KLHL20: variants seen among roughly 807,000 people sequenced by gnomAD.
KLHL20 encodes kelch-like protein 20.
In KLHL20, 29 loss-of-function variants were observed where a neutral mutation model predicts 69.5. The ratio of observed to expected loss-of-function variants is 0.42; its 90% confidence interval spans 0.31 to 0.57. KLHL20 has a LOEUF of 0.57. Among genes scored for constraint, KLHL20 ranks in the 20% least tolerant of loss-of-function variants. The probability of loss-of-function intolerance (pLI) is 0.18; values close to 1 mark genes in which losing one functional copy is unlikely to be tolerated. For synonymous variants in KLHL20, 253 were observed against 265.2 expected, an observed-to-expected ratio of 0.95 and a Z score of 0.45; for missense variants, 419 against 776.0, an observed-to-expected ratio of 0.54 and a Z score of 5.47.
intron 1 of KLHL20, 108 bp from the exon 2 acceptor site, chr1:173,715,895 T>G (rs976645116): frequency 2.7e-6 from 2 of 752,728 alleles, no homozygotes; most frequent in Admixed American, 2.4e-5. Flanking sequence ...TATAATAGGA[T>G]ATGAAACTCT....
intron 8 of KLHL20, among the ~76,000 whole-genome samples, chr1:173,773,180 G>A (rs998128486): frequency 3.0e-4 from 45 of 151,636 alleles, no homozygotes; most frequent in African/African-American, 1.1e-3. Flanking sequence ...TGACGAGGCT[G>A]GTCTTGAACT....
chr1:173,734,332 A>G (rs375739491), intron 3 of KLHL20, 46 bp downstream of exon 3: 6 of 1,505,558 alleles, frequency 4.0e-6, no homozygotes, highest in Non-Finnish European at 5.5e-6. Flanking sequence ...TTGGAGAGCA[A>G]TATGGGTTCA....
intron 2 of KLHL20, among the ~76,000 whole-genome samples, chr1:173,717,822 T>C (rs1207042361): frequency 6.6e-6 from 1 of 152,200 alleles, no homozygotes; most frequent in Non-Finnish European, 1.5e-5. Context: ...AAATTATTGT[T>C]AAAGGTATTC....
intron 3 of KLHL20, among the ~76,000 whole-genome samples, chr1:173,737,063 G>A: frequency 6.6e-6 from 1 of 151,982 alleles, no homozygotes; most frequent in East Asian, 1.9e-4. Context: ...CCCACTTTTT[G>A]ATGGAATTAT....
chr1:173,730,847 A>G (rs1672236388), intron 2 of KLHL20, among the ~76,000 whole-genome samples: 1 of 152,242 alleles, frequency 6.6e-6, no homozygotes, highest in African/African-American at 2.4e-5. Context: ...CAGCAATGGC[A>G]GCAAAAGCCA....
intron 2 of KLHL20, among the ~76,000 whole-genome samples, chr1:173,730,223 C>T (rs201810978): frequency 6.6e-6 from 1 of 151,878 alleles, no homozygotes; most frequent in Non-Finnish European, 1.5e-5. Context: ...TAAAAGAGGA[C>T]ACAAACAAAT....
intron 2 of KLHL20, among the ~76,000 whole-genome samples, chr1:173,732,187 A>G (rs1672314593): frequency 6.7e-6 from 1 of 149,510 alleles, no homozygotes; most frequent in Admixed American, 6.7e-5. Flanking sequence ...ACAGAGCCAG[A>G]CTCTGTCTCA....
At chr1:173,775,062 C>T (rs1188249314) in intron 9 of KLHL20, among the ~76,000 whole-genome samples, 1 of 152,206 alleles carries the variant, frequency 6.6e-6, no homozygotes, top group Non-Finnish European at 1.5e-5. Context: ...CTGCCCACCT[C>T]AGCCTCCTAA....
At chr1:173,728,795 G>A (rs1672105248) in intron 2 of KLHL20, among the ~76,000 whole-genome samples, 1 of 150,166 alleles carries the variant, frequency 6.7e-6, no homozygotes, top group South Asian at 2.1e-4. Flanking sequence ...AAGCAGGAAA[G>A]ACTAACATCA....
At chr1:173,784,526 C>A (rs1235549018) in intron 11 of KLHL20, among the ~76,000 whole-genome samples, 1 of 152,140 alleles carries the variant, frequency 6.6e-6, no homozygotes, top group Non-Finnish European at 1.5e-5. Context: ...TGAGGATCAT[C>A]TGTTGAAAGA....
chr1:173,740,038 C>G (rs1035064964), intron 3 of KLHL20, among the ~76,000 whole-genome samples: 23 of 151,706 alleles, frequency 1.5e-4, no homozygotes, highest in Non-Finnish European at 4.4e-5. Flanking sequence ...TTTCAAAGAA[C>G]CAGCTTTTCT....
At chr1:173,719,243 A>G (rs1671609377) in intron 2 of KLHL20, among the ~76,000 whole-genome samples, 1 of 152,122 alleles carries the variant, frequency 6.6e-6, no homozygotes, top group African/African-American at 2.4e-5. Context: ...ATTTATTTCA[A>G]CTGTTTTGCT....
Position 173,734,096 on chromosome 1 carries a change from G to A in KLHL20, c.407G>A (p.Gly136Asp), listed in dbSNP as rs1230253779. 2 of 1,614,064 alleles carry A rather than the reference G, an allele frequency of 1.2e-6. No homozygotes were observed. Among genetic ancestry groups the A allele is most frequent in the East Asian group, 2.2e-5 (1 of 44,894 alleles). The change falls in exon 3 of 12, where the codon GGC (glycine) becomes GAC (aspartate). Residue 136 changes from glycine (G) to aspartate (D), a missense_variant. Gly to Asp is a moderately conservative substitution (Grantham distance 94). Coordinates refer to ENST00000209884, the MANE Select transcript of KLHL20 (RefSeq NM_014458.4). ...ACCTCCCAGATAACAGTAGAAGAGG[G>A]CAATGTTCAGACTCTTCTGCCAGCT... ...AYTSQITVEEGNVQTLLPAAC... is the reference protein window; with the variant it reads ...AYTSQITVEEDNVQTLLPAAC...
At chr1:173,722,671 T>G (rs1263420311) in intron 2 of KLHL20, among the ~76,000 whole-genome samples, 1 of 148,184 alleles carries the variant, frequency 6.7e-6, no homozygotes, top group Admixed American at 6.8e-5. Context: ...GAGCATTATT[T>G]TTTTTTGCTA....
At chr1:173,741,985 A>T (rs1423878605) in intron 3 of KLHL20, 5 of 615,486 alleles carry the variant, frequency 8.1e-6, no homozygotes, top group East Asian at 2.9e-5. Context: ...CATTTTGGAT[A>T]AAAAAAATTG....
Position 173,762,343 on chromosome 1 carries a change from AAAG to A in KLHL20, c.1152-3799_1152-3797del, listed in dbSNP as rs1306522037. Among the ~76,000 whole-genome samples the A allele has an allele frequency of 4.6e-5, 7 of 152,312 alleles. No individual in the cohort carries two copies. In the East Asian group the frequency reaches 1.4e-3, roughly 29 times the overall value. On this transcript the variant is annotated intron_variant, in intron 7 of 11. Coordinates refer to ENST00000209884, the MANE Select transcript of KLHL20 (RefSeq NM_014458.4). ...TTTGACACTATTCCACAAGATAGGGAAAGAAGGAACCCTCCCTAATAATTCATA... is the reference window on the plus strand; with the variant it reads ...TTTGACACTATTCCACAAGATAGGGAAAGGAACCCTCCCTAATAATTCATA...
intron 8 of KLHL20, among the ~76,000 whole-genome samples, chr1:173,771,173 G>T (rs1648067954): frequency 6.6e-6 from 1 of 152,214 alleles, no homozygotes; most frequent in African/African-American, 2.4e-5. Flanking sequence ...TTAACAACAT[G>T]TAAGAAATTA....
chr1:173,780,656 A>G (rs1255259336), intron 10 of KLHL20, among the ~76,000 whole-genome samples: 1 of 152,166 alleles, frequency 6.6e-6, no homozygotes, highest in African/African-American at 2.4e-5. Context: ...GCATCCCTGT[A>G]GTCCCAGCAA....
intron 3 of KLHL20, among the ~76,000 whole-genome samples, 185 bp from the exon 4 acceptor site, chr1:173,751,579 C>T (rs1673315917): frequency 6.6e-6 from 1 of 151,972 alleles, no homozygotes; most frequent in African/African-American, 2.4e-5. Flanking sequence ...ATTATTTTTA[C>T]TAAATTTTAA....
Sources: allele counts gnomAD v4.1 joint callset (sites outside exome capture counted in the v4.1 genomes callset), GRCh38; gene constraint gnomAD v4.1.1; transcripts MANE v1.5; gene names NCBI Gene and HGNC (gene_info 2026-07-23, HGNC 2026-07-21).